Variants in DSCAML1 observed in about 807,000 individuals in gnomAD.
DSCAML1 encodes cell adhesion molecule DSCAML1.
A neutral mutation model predicts 200.5 loss-of-function variants in DSCAML1; 38 were observed. The ratio of observed to expected loss-of-function variants is 0.19; its 90% CI spans 0.15 to 0.25. The LOEUF (loss-of-function observed/expected upper bound fraction) is 0.25. Ranked by LOEUF, DSCAML1 falls within the 10% of genes least tolerant of loss-of-function variation. The pLI, the probability that DSCAML1 is intolerant of heterozygous loss-of-function variation, is 1.00. For missense variants in DSCAML1, 2,223 were observed against 2,858.8 expected, an observed-to-expected ratio of 0.78 and a Z score of 5.07; for synonymous variants, 1,215 against 1,165.0, an observed-to-expected ratio of 1.04 and a Z score of -0.87.
At chr11:117,531,222 G>A (rs1369105246) in intron 4 of DSCAML1, among the ~76,000 whole-genome samples, 1 of 152,162 alleles carries the variant, frequency 6.6e-6, no homozygotes, top group Admixed American at 6.5e-5. Context: ...ATGGGGTCCT[G>A]TAGCTGGAAG....
intron 20 of DSCAML1, among the ~76,000 whole-genome samples, chr11:117,449,268 T>C (rs2048238036): frequency 6.6e-6 from 1 of 152,122 alleles, no homozygotes. Flanking sequence ...TTCTGTGCTC[T>C]GGGCGCTGCT....
At position 117,432,312 on chromosome 11, in the gene DSCAML1, C is replaced by T. The variant is rs73592176; in HGVS notation, c.5179+40G>A. ...GTGTCATGCTATGCCCAAGCCACCC[C>T]GGTTGGGAAAAGGGCTGTCTCCCTG... On this transcript the variant is annotated intron_variant, in intron 30 of 32. Coordinates refer to ENST00000651296, the MANE Select transcript of DSCAML1 (RefSeq NM_020693.4). 7,655 of 1,580,602 alleles carry T rather than the reference C, an allele frequency of 4.8e-3. 327 individuals carry two copies. In the African/African-American group the frequency reaches 0.091, roughly 19 times the overall value.
chr11:117,529,333 C>A (rs2050033044), intron 4 of DSCAML1, among the ~76,000 whole-genome samples: 1 of 152,184 alleles, frequency 6.6e-6, no homozygotes, highest in African/African-American at 2.4e-5. Flanking sequence ...CTGCTTTGGC[C>A]TCCCAAAGTG....
Position 117,532,379 on chromosome 11 carries a change from T to C in DSCAML1, c.655A>G (p.Thr219Ala). ...CTCCCCAGGCCCTCTCCCCTACCTG[T>C]CACAGAGAGGCGTGCCCCATTGCTC... is the stretch of plus-strand genomic sequence containing the variant. ...RQSNGARLSV[T>A]DPAESIPTIL... Residue 219 changes from threonine (T) to alanine (A), a missense_variant, in exon 4 of 33, where the codon ACA (threonine) becomes GCA (alanine). Thr to Ala is a moderately conservative substitution (Grantham distance 58, BLOSUM62 0). This residue lies in a region of DSCAML1 where 579 missense variants were observed against 721.5 expected (regional missense o/e 0.80). Transcript: ENST00000651296. 6.2e-7 allele frequency: 1 copy of C among 1,613,658 alleles called. No individual in the cohort carries two copies. The highest frequency in any genetic ancestry group is 8.5e-7 in the Non-Finnish European group (1 of 1,179,722).
intron 11 of DSCAML1, among the ~76,000 whole-genome samples, chr11:117,483,466 C>T (rs1037079228): frequency 1.3e-5 from 2 of 152,184 alleles, no homozygotes; most frequent in African/African-American, 4.8e-5. Context: ...GGTCTTGTCC[C>T]GGGTTCTGGA....
chr11:117,648,317 G>A (rs2052563273), intron 3 of DSCAML1, among the ~76,000 whole-genome samples: 3 of 152,230 alleles, frequency 2.0e-5, no homozygotes, highest in Admixed American at 1.3e-4. Context: ...CCCAGCAGGG[G>A]CCGGCTCAAG....
At chr11:117,566,991 G>T (rs1338509781) in intron 3 of DSCAML1, among the ~76,000 whole-genome samples, 1 of 152,016 alleles carries the variant, frequency 6.6e-6, no homozygotes, top group African/African-American at 2.4e-5. Context: ...TTGGACATTT[G>T]GGTTGGTTCC....
intron 1 of DSCAML1, among the ~76,000 whole-genome samples, chr11:117,796,200 G>A (rs1385802830): frequency 2.0e-5 from 3 of 152,228 alleles, no homozygotes; most frequent in Non-Finnish European, 4.4e-5. Context: ...CGCCCCAGCC[G>A]CAGGTCTGGA....
intron 8 of DSCAML1, among the ~76,000 whole-genome samples, chr11:117,514,763 C>G (rs675522): frequency 0.77 from 117,109 of 151,936 alleles, 46,148 homozygotes; most frequent in African/African-American, 0.94. Context: ...TGTATTTTTA[C>G]TAGAGACAGG....
intron 3 of DSCAML1, among the ~76,000 whole-genome samples, chr11:117,684,132 G>A (rs2053360163): frequency 6.6e-6 from 1 of 152,112 alleles, no homozygotes; most frequent in South Asian, 2.1e-4. Flanking sequence ...CTGACCCATG[G>A]ATGTACTGAC....
intron 11 of DSCAML1, among the ~76,000 whole-genome samples, chr11:117,502,119 A>G (rs2049406411): frequency 6.6e-6 from 1 of 152,192 alleles, no homozygotes; most frequent in Admixed American, 6.5e-5. Flanking sequence ...TGAGGATGGC[A>G]TAGGAAAAGT....
intron 3 of DSCAML1, among the ~76,000 whole-genome samples, chr11:117,719,055 C>A (rs551089421): frequency 4.6e-5 from 7 of 152,088 alleles, no homozygotes; most frequent in African/African-American, 1.7e-4. Flanking sequence ...CTGTTCTAGG[C>A]GGTGTGCTAA....
chr11:117,456,287 A>C (rs2048366461), intron 19 of DSCAML1, among the ~76,000 whole-genome samples: 1 of 152,234 alleles, frequency 6.6e-6, no homozygotes, highest in African/African-American at 2.4e-5. Flanking sequence ...CACTGACTTA[A>C]CCAACCCTGG....
At chr11:117,533,419 C>A (rs367906092) in intron 3 of DSCAML1, among the ~76,000 whole-genome samples, 1 of 152,196 alleles carries the variant, frequency 6.6e-6, no homozygotes, top group East Asian at 1.9e-4. Context: ...ATACATAAGC[C>A]TCCATCCCCT....
At chr11:117,811,532 C>T (rs1308672721) in intron 1 of DSCAML1, among the ~76,000 whole-genome samples, 1 of 152,206 alleles carries the variant, frequency 6.6e-6, no homozygotes, top group African/African-American at 2.4e-5. Context: ...TCCTCCAGAA[C>T]CTCCTCCCCC....
In DSCAML1 at chr11:117,516,288, C is replaced by A. The variant is rs751266941; in HGVS notation, c.1783+179G>T. ...CGGATGTAGAGGAGCTCATGGCCTG[C>A]GTCCACCCACAGTCTTCTGCCCTGC... is the stretch of plus-strand genomic sequence containing the variant. On this transcript the variant is annotated intron_variant, in intron 8 of 32. Transcript: ENST00000651296. This position sits in a 1 kb window ranked among gnomAD's most constrained non-coding sequence, Gnocchi z 5.7. 6.6e-6 allele frequency among the ~76,000 whole-genome samples: 1 copy of A among 152,202 alleles called. No homozygotes were observed. The highest frequency in any genetic ancestry group is 1.5e-5 in the Non-Finnish European group (1 of 68,034).
chr11:117,591,691 G>A (rs566401618), intron 3 of DSCAML1, among the ~76,000 whole-genome samples: 4 of 152,236 alleles, frequency 2.6e-5, no homozygotes, highest in South Asian at 2.1e-4. Flanking sequence ...GGGTTTTAAC[G>A]GGCTCAGGTG....
intron 19 of DSCAML1, 34 bp downstream of exon 19, chr11:117,458,720 G>C (rs1347247541): frequency 6.2e-7 from 1 of 1,605,640 alleles, no homozygotes; most frequent in South Asian, 1.1e-5. Context: ...TGGGTGGCAG[G>C]GCCAGCCTGT....
chr11:117,806,452 G>T (rs2134087186), intron 1 of DSCAML1, among the ~76,000 whole-genome samples: 1 of 152,328 alleles, frequency 6.6e-6, no homozygotes, highest in South Asian at 2.1e-4. Flanking sequence ...CGGGCTAATT[G>T]TTTGTCTGCA....
Sources: gnomAD v4.1 joint callset for allele counts (sites outside exome capture counted in the v4.1 genomes callset) on GRCh38, gnomAD v4.1.1 for gene constraint, gnomAD v4.1.1 regional missense constraint, Gnocchi (gnomAD v3.1) non-coding constraint, MANE v1.5 for transcripts, NCBI Gene and HGNC (gene_info 2026-07-23, HGNC 2026-07-21) for gene names.